The following NR3C2 variants were observed in gnomAD, a reference collection of about 807,000 sequenced individuals.
NR3C2 encodes nuclear receptor subfamily 3 group C member 2.
A neutral mutation model predicts 86.4 loss-of-function variants in NR3C2; 15 were observed. That is an observed-to-expected ratio of 0.17 (90% CI 0.12 to 0.27). The LOEUF is 0.27. Among genes scored for constraint, NR3C2 ranks in the 10% least tolerant of loss-of-function variants. The pLI, the probability that NR3C2 is intolerant of heterozygous loss-of-function variation, is 1.00. For synonymous variants in NR3C2, 458 were observed against 450.5 expected, an observed-to-expected ratio of 1.02 and a Z score of -0.21; for missense variants, 960 against 1,195.6, an observed-to-expected ratio of 0.80 and a Z score of 2.91.
At chr4:148,157,627 T>TA (rs1408695459) in intron 4 of NR3C2, among the ~76,000 whole-genome samples, 1 of 150,786 alleles carries the variant, frequency 6.6e-6, no homozygotes, top group Admixed American at 6.6e-5. Context: ...AGAGAACAAT[T>TA]AAAAAAAAAG....
intron 2 of NR3C2, among the ~76,000 whole-genome samples, chr4:148,427,169 G>A (rs757747633): frequency 6.6e-6 from 1 of 151,824 alleles, no homozygotes; most frequent in Admixed American, 6.6e-5. Context: ...TGGCCAGGCT[G>A]GTCTCAAACT....
intron 2 of NR3C2, among the ~76,000 whole-genome samples, chr4:148,380,166 A>G (rs1051055524): frequency 2.6e-5 from 4 of 152,244 alleles, no homozygotes; most frequent in Non-Finnish European, 5.9e-5. Context: ...TTGTACAACT[A>G]TTTTATAAGA....
chr4:148,292,889 T>C (rs1741863465), intron 2 of NR3C2, among the ~76,000 whole-genome samples: 1 of 152,094 alleles, frequency 6.6e-6, no homozygotes, highest in South Asian at 2.1e-4. Context: ...CTATTCTGTA[T>C]ACCCTGTTAA....
At chr4:148,420,976 CTTTCTTT>C (rs1749253552) in intron 2 of NR3C2, among the ~76,000 whole-genome samples, 1 of 152,144 alleles carries the variant, frequency 6.6e-6, no homozygotes, top group Non-Finnish European at 1.5e-5. Flanking sequence ...AGCCAATTAC[CTTTCTTT>C]ATAGATTACC....
Position 148,081,265 on chromosome 4 carries a change from A to G in NR3C2, c.*79T>C. Reference sequence around the variant, plus strand: ...GTGTGAATCAACCATCACATGTTAAAAACAGGTTTTCTTGGGTCCTTCTGG... The same window carrying G: ...GTGTGAATCAACCATCACATGTTAAGAACAGGTTTTCTTGGGTCCTTCTGG... On this transcript the variant is annotated 3_prime_UTR_variant, in exon 9 of 9. Transcript: ENST00000358102. The G allele has an allele frequency of 2.5e-6, 4 of 1,577,158 alleles. No individual in the cohort carries two copies. In the Admixed American group the frequency reaches 6.7e-5, roughly 26 times the overall value.
chr4:148,440,136 CA>C (rs1182399764), intron 1 of NR3C2, among the ~76,000 whole-genome samples: 4 of 152,200 alleles, frequency 2.6e-5, no homozygotes, highest in Non-Finnish European at 5.9e-5. Context: ...TGGCAATAGT[CA>C]AACACAAAAG....
chr4:148,223,891 T>C (rs1737999253), intron 3 of NR3C2, among the ~76,000 whole-genome samples: 1 of 152,188 alleles, frequency 6.6e-6, no homozygotes, highest in South Asian at 2.1e-4. Context: ...ATTTTCATCT[T>C]GTTATGTTTT....
At chr4:148,261,218 C>T (rs1740083253) in intron 2 of NR3C2, among the ~76,000 whole-genome samples, 2 of 151,524 alleles carry the variant, frequency 1.3e-5, no homozygotes, top group South Asian at 4.2e-4. Flanking sequence ...CTATGGTAAG[C>T]CCTATGGTGC....
chr4:148,152,670 G>A, intron 5 of NR3C2, 57 bp from the exon 6 acceptor site: 1 of 1,570,132 alleles, frequency 6.4e-7, no homozygotes, highest in African/African-American at 1.3e-5. Context: ...TACATTCCAG[G>A]AAGATGCTTC....
At chr4:148,427,565 T>C (rs1749605913) in intron 2 of NR3C2, among the ~76,000 whole-genome samples, 1 of 150,868 alleles carries the variant, frequency 6.6e-6, no homozygotes, top group African/African-American at 2.4e-5. Context: ...GTGGAGGGTG[T>C]CCGAACCCCA....
chr4:148,202,288 G>C (rs997508721), intron 3 of NR3C2, among the ~76,000 whole-genome samples: 1 of 152,206 alleles, frequency 6.6e-6, no homozygotes, highest in Admixed American at 6.5e-5. Flanking sequence ...TTTCCAGGGG[G>C]AGGAAGCTCC....
rs1372422272 is a variant in NR3C2, at chr4:148,241,582, C to T, written c.1897+18396G>A. Among the ~76,000 whole-genome samples the T allele has an allele frequency of 2.6e-5, 4 of 152,102 alleles. No individual in the cohort carries two copies. The East Asian group carries it at 7.7e-4, about 29-fold the overall frequency. On this transcript the variant is annotated intron_variant, in intron 3 of 8. Transcript: ENST00000358102. ...GTCTCAAGCTCCTTTTCCAACTGGG[C>T]CTCTCCAGACCACACTGACTAACAT... is the stretch of plus-strand genomic sequence containing the variant.
intron 4 of NR3C2, among the ~76,000 whole-genome samples, chr4:148,156,453 G>T (rs958170002): frequency 7.2e-5 from 11 of 152,106 alleles, no homozygotes; most frequent in Admixed American, 7.2e-4. Context: ...GTGGGCAAAG[G>T]ATATGAACAG....
At chr4:148,115,663 T>C (rs1469456234) in intron 7 of NR3C2, among the ~76,000 whole-genome samples, 4 of 152,192 alleles carry the variant, frequency 2.6e-5, no homozygotes, top group African/African-American at 9.6e-5. Context: ...CAAAAAGATA[T>C]GGATTATCTT....
At chr4:148,289,079 C>G (rs961151780) in intron 2 of NR3C2, among the ~76,000 whole-genome samples, 11 of 152,020 alleles carry the variant, frequency 7.2e-5, no homozygotes, top group African/African-American at 2.7e-4. Flanking sequence ...TCTTTGTCAG[C>G]TATTAAAAGG....
chr4:148,165,728 C>T (rs1560955754), intron 4 of NR3C2, among the ~76,000 whole-genome samples: 2 of 152,012 alleles, frequency 1.3e-5, no homozygotes, highest in African/African-American at 4.8e-5. Context: ...AGCCAGATAA[C>T]CAAACAAAAT....
At chr4:148,287,561 A>G (rs1297372099) in intron 2 of NR3C2, among the ~76,000 whole-genome samples, 4 of 152,234 alleles carry the variant, frequency 2.6e-5, no homozygotes. Flanking sequence ...AAACTGTCAA[A>G]GTTTTCCTAT....
intron 2 of NR3C2, among the ~76,000 whole-genome samples, chr4:148,332,582 T>C (rs1157168430): frequency 1.3e-5 from 2 of 152,192 alleles, no homozygotes; most frequent in Non-Finnish European, 2.9e-5. Context: ...CGTACCAAAA[T>C]GGCTACCAGA....
At chr4:148,397,511 A>G (rs1327630807) in intron 2 of NR3C2, among the ~76,000 whole-genome samples, 3 of 152,214 alleles carry the variant, frequency 2.0e-5, no homozygotes, top group African/African-American at 7.2e-5. Flanking sequence ...GCCAAAATGT[A>G]TTATCACACC....
Sources: gnomAD v4.1 joint callset for allele counts (sites outside exome capture counted in the v4.1 genomes callset) on GRCh38, gnomAD v4.1.1 for gene constraint, MANE v1.5 for transcripts, NCBI Gene and HGNC (gene_info 2026-07-23, HGNC 2026-07-21) for gene names.